Variants in KIAA0408 observed in about 807,000 individuals in gnomAD.
KIAA0408 encodes uncharacterized protein KIAA0408.
KIAA0408 carries 51 observed loss-of-function variants against 60.9 expected under a neutral mutation model. The observed-to-expected ratio is 0.84, with a 90% CI of 0.67 to 1.06. The LOEUF is 1.06. KIAA0408 is among the 50% of genes least tolerant of loss of function. The pLI is 0.00. For missense variants in KIAA0408, 787 were observed against 833.9 expected (o/e 0.94, Z 0.69); for synonymous variants, 304 against 282.4 (o/e 1.08, Z -0.77).
intron 4 of KIAA0408, 116 bp from the exon 5 acceptor site, chr6:127,447,856 T>C: frequency 7.8e-7 from 1 of 1,275,612 alleles, no homozygotes; most frequent in Non-Finnish European, 1.0e-6. Context: ...CACAACTGCC[T>C]CATACATCAT....
intron 4 of KIAA0408, among the ~76,000 whole-genome samples, chr6:127,449,145 C>T (rs1201795463): frequency 2.6e-5 from 4 of 152,132 alleles, no homozygotes; most frequent in Non-Finnish European, 4.4e-5. Flanking sequence ...ATTCTGACAT[C>T]GTTTAATGAT....
intron 1 of KIAA0408, among the ~76,000 whole-genome samples, chr6:127,456,429 G>A (rs1773394089): frequency 6.6e-6 from 1 of 152,038 alleles, no homozygotes; most frequent in African/African-American, 2.4e-5. Flanking sequence ...GATCATTCAG[G>A]AATACCCTAG....
intron 5 of KIAA0408, among the ~76,000 whole-genome samples, chr6:127,445,649 T>A (rs1261881007): frequency 1.3e-5 from 2 of 152,186 alleles, no homozygotes; most frequent in Non-Finnish European, 2.9e-5. Context: ...TCTTAAAAAT[T>A]ATATGAGTAA....
At position 127,447,031 on chromosome 6, in the gene KIAA0408, C is replaced by T. The variant is rs79160411; in HGVS notation, c.1288G>A (p.Glu430Lys). ...SPLRNFSCGF[E>K]RTTRNEKLAA... ...AGCTTCTCATTCCTTGTAGTCCTTT[C>T]AAAGCCACAACTGAAATTTCTAAGT... The change falls in exon 5 of 6, where the codon GAA (glutamate) becomes AAA (lysine). Residue 430 changes from glutamate (E) to lysine (K), a missense_variant. This residue lies in a region of KIAA0408 where 640 missense variants were observed against 681.3 expected (regional missense o/e 0.94). Transcript: ENST00000483725. 14 of 1,613,300 alleles carry T rather than the reference C, an allele frequency of 8.7e-6. No homozygotes were observed. Among genetic ancestry groups the T allele is most frequent in the Non-Finnish European group, 1.1e-5 (13 of 1,179,706 alleles).
rs760826745 is a variant in KIAA0408 at position 127,444,117 on chromosome 6, T to C, written c.2077A>G (p.Met693Val). The C allele has an allele frequency of 6.2e-7, 1 of 1,613,920 alleles. No homozygotes were observed. The highest frequency in any genetic ancestry group is 8.5e-7 in the Non-Finnish European group (1 of 1,179,926). ...CAATCCAGGCCAAAGACTTAAACCA[T>C]CAATGCTTCGGATCGCAGAGAAATG... ...YTISLRSEAL[M>V]V Residue 693 changes from methionine (M) to valine (V), a missense_variant, in exon 6 of 6, where the codon ATG becomes GTG. This residue lies in a region of KIAA0408 where 133 missense variants were observed against 119.2 expected (regional missense o/e 1.12). Transcript: ENST00000483725.
In KIAA0408 at chr6:127,445,552, C is replaced by CT. The variant is rs113480186; in HGVS notation, c.1911+855dup. 9.9e-5 allele frequency among the ~76,000 whole-genome samples: 15 copies of CT among 152,258 alleles called. 1 individual carries two copies. Among genetic ancestry groups the CT allele is most frequent in the African/African-American group, 3.6e-4 (15 of 41,542 alleles). On this transcript the variant is annotated intron_variant, in intron 5 of 5. Transcript: ENST00000483725. ...ACTTGCATAATAGTTTAAAACCATG[C>CT]TGCGTACTCACTGCATTCTATGAAA...
intron 2 of KIAA0408, chr6:127,451,390 T>G (rs896063624): frequency 6.8e-6 from 3 of 443,410 alleles, no homozygotes; most frequent in African/African-American, 6.0e-5. Context: ...GAAGTCAGGA[T>G]AGCATCAAAC....
chr6:127,450,548 A>C, intron 2 of KIAA0408, 196 bp from the exon 3 acceptor site: 1 of 798,226 alleles, frequency 1.3e-6, no homozygotes, highest in Non-Finnish European at 1.8e-6. Flanking sequence ...CATAAAGGCT[A>C]CTTTTAGTAG....
chr6:127,444,433 G>C, intron 5 of KIAA0408, 151 bp from the exon 6 acceptor site: 1 of 609,126 alleles, frequency 1.6e-6, no homozygotes, highest in Non-Finnish European at 2.6e-6. Context: ...TCTAATATTT[G>C]TGGTTTTGAA....
Position 127,450,359 on chromosome 6 carries a change from GA to G in KIAA0408, c.136-8del. On this transcript the variant is annotated splice_region_variant and splice_polypyrimidine_tract_variant and intron_variant, in intron 2 of 5. Coordinates refer to ENST00000483725, the MANE Select transcript of KIAA0408 (RefSeq NM_014702.5). ...GCTTTACTTCCCGGCAAAGCTGTAA[GA>G]AAAACAAAACAAAATTAAAACTTCT... The G allele has an allele frequency of 6.4e-7, 1 of 1,570,642 alleles. No homozygotes were observed. The highest frequency in any genetic ancestry group is 8.6e-7 in the Non-Finnish European group (1 of 1,166,306).
Position 127,443,893 on chromosome 6 carries a change from T to G in KIAA0408, c.*216A>C. 1.9e-6 allele frequency: 1 copy of G among 530,972 alleles called. No individual in the cohort carries two copies. The highest frequency in any genetic ancestry group is 3.5e-5 in the Admixed American group (1 of 28,298). 32.9% of individuals were successfully genotyped at this position (530,972 alleles called of 1,614,324 possible). The stretch of plus-strand genomic sequence containing the variant: ...TACATTGTTTCAACTTATATTGTAT[T>G]GGAAAACTAATGAGGATGGCATTAA... On this transcript the variant is annotated 3_prime_UTR_variant, in exon 6 of 6. Transcript: ENST00000483725.
chr6:127,449,910 A>G lies in KIAA0408; in HGVS notation c.499-9T>C, dbSNP rs1377178443. ...GCAAGTTCTTCAAGAGCCTTTACAC[A>G]TATAAGCAACAGCCCGTTAGCACTT... On this transcript the variant is annotated splice_polypyrimidine_tract_variant and intron_variant, in intron 3 of 5. Transcript: ENST00000483725. 8 of 1,613,846 alleles carry G rather than the reference A, an allele frequency of 5.0e-6. No individual in the cohort carries two copies. The Middle Eastern group carries it at 4.9e-4, about 100-fold the overall frequency.
At position 127,444,258 on chromosome 6, in the gene KIAA0408, G is replaced by A; in HGVS notation, c.1936C>T (p.His646Tyr). ...GCAGGTCGGGAAAATCCTTTTCCAT[G>A]TGAGGCGTTCACTGACATGGATTCC... ...TEESMSVNAS[H>Y]GKGFSRPARP... Residue 646 changes from histidine to tyrosine, a missense_variant, in exon 6 of 6, where the codon CAT becomes TAT. Physicochemically the swap from His to Tyr is moderately conservative, Grantham distance 83. Coordinates refer to ENST00000483725, the MANE Select transcript of KIAA0408 (RefSeq NM_014702.5). 1 of 1,601,190 alleles carries A rather than the reference G, an allele frequency of 6.2e-7. No homozygotes were observed. The highest frequency in any genetic ancestry group is 1.7e-5 in the Admixed American group (1 of 57,822).
chr6:127,443,225 T>C lies in KIAA0408; in HGVS notation c.*884A>G, dbSNP rs1001152013. ...AAGAAAAACTAAAATTCAACATCATTCAGTTTCTTTTTGCATCCCATTTAG... is the reference window on the plus strand; with the variant it reads ...AAGAAAAACTAAAATTCAACATCATCCAGTTTCTTTTTGCATCCCATTTAG... On this transcript the variant is annotated 3_prime_UTR_variant, in exon 6 of 6. Coordinates refer to ENST00000483725, the MANE Select transcript of KIAA0408 (RefSeq NM_014702.5). The C allele has an allele frequency of 1.3e-5, 2 of 152,120 alleles. No homozygotes were observed. Among genetic ancestry groups the C allele is most frequent in the African/African-American group, 4.8e-5 (2 of 41,440 alleles). The allele number at this position is 152,120 out of a possible 1,614,324, so 9.4% of individuals were successfully genotyped here.
rs1172655137 is a variant in KIAA0408 at position 127,443,695 on chromosome 6, C to T, written c.*414G>A. The T allele has an allele frequency of 1.9e-5, 3 of 157,034 alleles. No individual in the cohort carries two copies. Among genetic ancestry groups the T allele is most frequent in the African/African-American group, 7.2e-5 (3 of 41,440 alleles). 9.7% of individuals were successfully genotyped at this position (157,034 alleles called of 1,614,324 possible). ...TATTTTCAAAACTTTTAAATAAACA[C>T]AAAGAATATATAGGTATACATGTTA... On this transcript the variant is annotated 3_prime_UTR_variant, in exon 6 of 6. Transcript: ENST00000483725.
intron 4 of KIAA0408, among the ~76,000 whole-genome samples, chr6:127,449,146 G>A (rs575874279): frequency 1.4e-4 from 22 of 152,188 alleles, no homozygotes; most frequent in Non-Finnish European, 1.2e-4. Flanking sequence ...TTCTGACATC[G>A]TTTAATGATA....
rs781112554 is a variant in KIAA0408, at chr6:127,446,725, T to G, written c.1594A>C (p.Ser532Arg). The change falls in exon 5 of 6, where the codon AGT becomes CGT. Residue 532 changes from serine to arginine, a missense_variant. By Grantham distance (110) the Ser-to-Arg change is moderately radical (BLOSUM62 -1). This residue lies in a region of KIAA0408 where 640 missense variants were observed against 681.3 expected (regional missense o/e 0.94). Coordinates refer to ENST00000483725, the MANE Select transcript of KIAA0408 (RefSeq NM_014702.5). The part of the protein sequence containing the change: ...RQMQGHLSPR[S>R]YRNMLHEHDW... ...TGCTCGTGGAGCATATTTCGATAAC[T>G]GCGAGGACTTAGGTGTCCCTGCATT... is the stretch of plus-strand genomic sequence containing the variant. The G allele has an allele frequency of 3.7e-6, 6 of 1,614,004 alleles. No homozygotes were observed. The highest frequency in any genetic ancestry group is 5.1e-6 in the Non-Finnish European group (6 of 1,180,004).
chr6:127,458,589 A>C (rs1465947046), intron 1 of KIAA0408, among the ~76,000 whole-genome samples: 1 of 152,220 alleles, frequency 6.6e-6, no homozygotes, highest in Admixed American at 6.5e-5. Context: ...CAAATGTCTA[A>C]AACTAACCAT....
chr6:127,451,502 C>G (rs1409079977), intron 2 of KIAA0408, among the ~76,000 whole-genome samples: 2 of 152,038 alleles, frequency 1.3e-5, no homozygotes, highest in South Asian at 2.1e-4. Flanking sequence ...AGAAGGAACC[C>G]TAAAAAGTGA....
Sources: gnomAD v4.1 joint callset for allele counts (sites outside exome capture counted in the v4.1 genomes callset) on GRCh38, gnomAD v4.1.1 for gene constraint, gnomAD v4.1.1 regional missense constraint, MANE v1.5 for transcripts, NCBI Gene and HGNC (gene_info 2026-07-23, HGNC 2026-07-21) for gene names.